Variants in RPS6KL1 observed in about 807,000 individuals in gnomAD.
RPS6KL1 encodes ribosomal protein S6 kinase-like 1.
RPS6KL1 carries 41 observed loss-of-function variants against 57.0 expected under a neutral mutation model. The observed-to-expected ratio is 0.72, with a 90% CI of 0.56 to 0.93. The LOEUF is 0.93. Among genes scored for constraint, RPS6KL1 ranks in the 40% least tolerant of loss-of-function variants. RPS6KL1 has a pLI of 0.00. For synonymous variants in RPS6KL1, 287 were observed against 309.7 expected (o/e 0.93, Z 0.77); for missense variants, 697 against 727.7 (o/e 0.96, Z 0.49).
chr14:74,910,928 G>A (rs1234271277), intron 7 of RPS6KL1: 3 of 301,946 alleles, frequency 9.9e-6, no homozygotes, highest in Non-Finnish European at 2.0e-5. Flanking sequence ...CTAGAGTGCA[G>A]TGGCGTGATC....
chr14:74,909,381 C>T (rs1413379184), intron 8 of RPS6KL1, 162 bp downstream of exon 8: 4 of 1,070,200 alleles, frequency 3.7e-6, no homozygotes, highest in African/African-American at 3.2e-5. Context: ...AGGGTACTCC[C>T]AGGAGCCTCG....
chr14:74,910,075 C>T lies in RPS6KL1; in HGVS notation c.738G>A (p.Gln246=). ...RHSGLSSGST[Q]ERMKAQLNPH... is the part of the protein sequence containing the mutation. The stretch of plus-strand genomic sequence containing the variant: ...GGTTGAGCTGAGCCTTCATCCTCTC[C>T]TGGGTAGAGCCAGAGCTGAGCCCAG... Residue 246 remains glutamine, a synonymous_variant, in exon 8 of 12, where the codon CAG becomes CAA. Coordinates refer to ENST00000557413, the MANE Select transcript of RPS6KL1 (RefSeq NM_031464.5). 2 of 1,606,808 alleles carry T rather than the reference C, an allele frequency of 1.2e-6. No homozygotes were observed. The highest frequency in any genetic ancestry group is 2.2e-5 in the East Asian group (1 of 44,784).
At chr14:74,919,789 T>C (rs1887494624) in intron 4 of RPS6KL1, 56 bp downstream of exon 4, 1 of 1,587,690 alleles carries the variant, frequency 6.3e-7, no homozygotes. Flanking sequence ...GCCTCCGCAG[T>C]CTCCCCTCAG....
At chr14:74,912,460 C>T (rs1886178959) in intron 5 of RPS6KL1, among the ~76,000 whole-genome samples, 1 of 152,120 alleles carries the variant, frequency 6.6e-6, no homozygotes, top group African/African-American at 2.4e-5. Flanking sequence ...AGATCAACCC[C>T]TCACCCAAGG....
In RPS6KL1 at chr14:74,910,088, G is replaced by T; in HGVS notation, c.725C>A (p.Ser242Tyr). The T allele has an allele frequency of 6.3e-7, 1 of 1,597,672 alleles. No homozygotes were observed. Residue 242 changes from serine (S) to tyrosine (Y), a missense_variant, in exon 8 of 12, where the codon TCT becomes TAT. Transcript: ENST00000557413. ...CTTCATCCTCTCCTGGGTAGAGCCAGAGCTGAGCCCAGAATGTCGGGAGTG... is the reference window on the plus strand; with the variant it reads ...CTTCATCCTCTCCTGGGTAGAGCCATAGCTGAGCCCAGAATGTCGGGAGTG... ...QAHSRHSGLS[S>Y]GSTQERMKAQ... is the part of the protein sequence containing the mutation.
At chr14:74,919,272 G>T (rs1000997630) in intron 4 of RPS6KL1, among the ~76,000 whole-genome samples, 1 of 152,240 alleles carries the variant, frequency 6.6e-6, no homozygotes, top group Non-Finnish European at 1.5e-5. Context: ...CTACTTTGGG[G>T]AAAGGCAGCC....
At position 74,921,777 on chromosome 14, in the gene RPS6KL1, C is replaced by CTTTTTTTTTT; in HGVS notation, c.-21+191_-21+200dup. 6 of 836,398 alleles carry CTTTTTTTTTT rather than the reference C, an allele frequency of 7.2e-6. 1 individual carries two copies. The highest frequency in any genetic ancestry group is 7.6e-6 in the Non-Finnish European group (5 of 657,658). The allele number at this position is 836,398 out of a possible 1,614,324, so 51.8% of individuals were successfully genotyped here. On this transcript the variant is annotated intron_variant, in intron 2 of 11. Coordinates refer to ENST00000557413, the MANE Select transcript of RPS6KL1 (RefSeq NM_031464.5). ...CCAGCTCAGGATTCTGTTTTCTTTT[C>CTTTTTTTTTT]TTTTTTTTTTTTTTTTTTGAGTCAG...
chr14:74,911,686 T>C, intron 6 of RPS6KL1, 108 bp downstream of exon 6: 2 of 1,064,520 alleles, frequency 1.9e-6, no homozygotes, highest in African/African-American at 1.6e-5. Flanking sequence ...AACCAGCTTT[T>C]GTGGGAGGGA....
rs370699475 is a variant in RPS6KL1 at position 74,911,841 on chromosome 14, C to T, written c.484G>A (p.Val162Met). Residue 162 changes from valine to methionine, a missense_variant and splice_region_variant, in exon 6 of 12, where the codon GTG (valine) becomes ATG (methionine). Val to Met is a conservative substitution (Grantham distance 21). Coordinates refer to ENST00000557413, the MANE Select transcript of RPS6KL1 (RefSeq NM_031464.5). ...GTTGCCGGGTCCTGGACCAGCTGCACCTGCCAAAGTCCAAGAGGCACTGGT... is the reference window on the plus strand; with the variant it reads ...GTTGCCGGGTCCTGGACCAGCTGCATCTGCCAAAGTCCAAGAGGCACTGGT... ...GCRVVGVIEK[V>M]QLVQDPATGG... 1.9e-5 allele frequency: 29 copies of T among 1,552,540 alleles called. No homozygotes were observed. Among genetic ancestry groups the T allele is most frequent in the Non-Finnish European group, 2.5e-5 (29 of 1,147,684 alleles).
intron 5 of RPS6KL1, among the ~76,000 whole-genome samples, chr14:74,917,881 G>A (rs1200437431): frequency 4.6e-5 from 7 of 152,152 alleles, no homozygotes; most frequent in Non-Finnish European, 8.8e-5. Context: ...TCGGTAGAGC[G>A]TCTTGGCTGC....
At position 74,909,995 on chromosome 14, in the gene RPS6KL1, T is replaced by C; in HGVS notation, c.818A>G (p.Gln273Arg). The change falls in exon 8 of 12, where the codon CAG becomes CGG. Residue 273 changes from glutamine to arginine, a missense_variant. Gln to Arg is a conservative substitution (Grantham distance 43, BLOSUM62 1). Transcript: ENST00000557413. ...AGGAGGCTCCAGGGCGATTCTGTCC[T>C]GGCCAGGGGCATGGCCTGAGGGAAG... ...ARLPSGHAPGQDRIALEPPRT... is the reference protein window; with the variant it reads ...ARLPSGHAPGRDRIALEPPRT... 3 of 1,614,050 alleles carry C rather than the reference T, an allele frequency of 1.9e-6. No individual in the cohort carries two copies. Among genetic ancestry groups the C allele is most frequent in the Middle Eastern group, 1.6e-4 (1 of 6,062 alleles).
rs1566832308 is a variant in RPS6KL1, at chr14:74,918,539, A to T, written c.457T>A (p.Cys153Ser). 1.3e-6 allele frequency: 2 copies of T among 1,534,210 alleles called. No homozygotes were observed. The highest frequency in any genetic ancestry group is 1.7e-6 in the Non-Finnish European group (2 of 1,146,032). The change falls in exon 5 of 12, where the codon TGC (cysteine) becomes AGC (serine). Residue 153 changes from cysteine (C) to serine (S), a missense_variant. Physicochemically the swap from Cys to Ser is moderately radical, Grantham distance 112 (BLOSUM62 -1). Coordinates refer to ENST00000557413, the MANE Select transcript of RPS6KL1 (RefSeq NM_031464.5). The stretch of plus-strand genomic sequence containing the variant: ...TTCTCGATGACCCCGACCACCCTGC[A>T]GCCCCTCAGCTGCTCCACGGCAGAG... Reference protein sequence around the residue: ...LSSAVEQLRGCRVVGVIEKVQ... With the variant: ...LSSAVEQLRGSRVVGVIEKVQ...
At chr14:74,914,678 G>A (rs1396415379) in intron 5 of RPS6KL1, among the ~76,000 whole-genome samples, 1 of 152,188 alleles carries the variant, frequency 6.6e-6, no homozygotes, top group Non-Finnish European at 1.5e-5. Flanking sequence ...GTGGTTTGGA[G>A]GATGGAGGAC....
Position 74,918,524 on chromosome 14 carries a change from C to T in RPS6KL1, c.472G>A (p.Val158Ile), listed in dbSNP as rs1026240382. 8.5e-6 allele frequency: 13 copies of T among 1,533,206 alleles called. No individual in the cohort carries two copies. The highest frequency in any genetic ancestry group is 1.1e-5 in the Non-Finnish European group (13 of 1,145,466). The allele number at this position is 1,533,206 out of a possible 1,614,324, so 95.0% of individuals were successfully genotyped here. A position where few individuals can be genotyped will look rare whatever the true frequency, so the allele number is the denominator to read the frequency against. Residue 158 changes from valine (V) to isoleucine (I), a missense_variant, in exon 5 of 12, where the codon GTC (valine) becomes ATC (isoleucine). Physicochemically the swap from Val to Ile is conservative, Grantham distance 29. Coordinates refer to ENST00000557413, the MANE Select transcript of RPS6KL1 (RefSeq NM_031464.5). ...EQLRGCRVVG[V>I]IEKVQLVQDP... ...GTCCACTCACTCACCTTCTCGATGA[C>T]CCCGACCACCCTGCAGCCCCTCAGC...
chr14:74,917,841 G>A (rs1333040456), intron 5 of RPS6KL1, among the ~76,000 whole-genome samples: 3 of 152,224 alleles, frequency 2.0e-5, no homozygotes, highest in African/African-American at 4.8e-5. Context: ...AGTTGAGCAC[G>A]TCCCAGCCGC....
In RPS6KL1 at chr14:74,907,103, G is replaced by A. The variant is rs200816369; in HGVS notation, c.1561C>T (p.Arg521Trp). 3.8e-5 allele frequency: 62 copies of A among 1,612,920 alleles called. No homozygotes were observed. Among genetic ancestry groups the A allele is most frequent in the East Asian group, 1.3e-4 (6 of 44,884 alleles). The change falls in exon 12 of 12, where the codon CGG (arginine) becomes TGG (tryptophan). Residue 521 changes from arginine (R) to tryptophan (W), a missense_variant. Coordinates refer to ENST00000557413, the MANE Select transcript of RPS6KL1 (RefSeq NM_031464.5). ...CCACCTTCTCCCATGCCCAGGCGCC[G>A]GGTAGGCTCGAACTGCAGCAGCTGC... ...LTELLQFEPT[R>W]RLGMGEGGVS... is the part of the protein sequence containing the mutation.
chr14:74,918,913 C>T (rs1200787395), intron 4 of RPS6KL1, among the ~76,000 whole-genome samples: 2 of 152,216 alleles, frequency 1.3e-5, no homozygotes, highest in African/African-American at 2.4e-5. Context: ...CAGTGGCTCA[C>T]GCCTGTAATC....
chr14:74,910,079 G>A lies in RPS6KL1; in HGVS notation c.734C>T (p.Thr245Ile). 6.2e-7 allele frequency: 1 copy of A among 1,605,884 alleles called. No individual in the cohort carries two copies. The highest frequency in any genetic ancestry group is 8.5e-7 in the Non-Finnish European group (1 of 1,176,490). ...SRHSGLSSGS[T>I]QERMKAQLNP... Reference sequence around the variant, plus strand: ...GAGCTGAGCCTTCATCCTCTCCTGGGTAGAGCCAGAGCTGAGCCCAGAATG... The same window carrying A: ...GAGCTGAGCCTTCATCCTCTCCTGGATAGAGCCAGAGCTGAGCCCAGAATG... The change falls in exon 8 of 12, where the codon ACC (threonine) becomes ATC (isoleucine). Residue 245 changes from threonine (T) to isoleucine (I), a missense_variant. By Grantham distance (89) the Thr-to-Ile change is moderately conservative. Transcript: ENST00000557413.
In RPS6KL1 at chr14:74,906,951, G is replaced by T; in HGVS notation, c.*63C>A. The T allele has an allele frequency of 1.6e-6, 2 of 1,268,478 alleles. No homozygotes were observed. The highest frequency in any genetic ancestry group is 2.3e-6 in the Non-Finnish European group (2 of 873,272). 78.6% of individuals were successfully genotyped at this position (1,268,478 alleles called of 1,614,324 possible). ...ATAGAGGGCCAGCCCTGGGTTGGGT[G>T]TCAGGCAAGGAGGAGAGGCGATCCA... On this transcript the variant is annotated 3_prime_UTR_variant, in exon 12 of 12. Transcript: ENST00000557413.
Sources: gnomAD v4.1 joint callset for allele counts (sites outside exome capture counted in the v4.1 genomes callset) on GRCh38, gnomAD v4.1.1 for gene constraint, MANE v1.5 for transcripts, NCBI Gene and HGNC (gene_info 2026-07-23, HGNC 2026-07-21) for gene names.